Variants in RBM10 observed in about 807,000 individuals in gnomAD.
RBM10 encodes the protein RNA-binding protein 10.
A neutral mutation model predicts 84.9 loss-of-function variants in RBM10; 1 was observed. The ratio of observed to expected loss-of-function variants is 0.01; its 90% CI spans 0.00 to 0.06. The LOEUF (loss-of-function observed/expected upper bound fraction) is 0.06, where lower values mean the gene tolerates loss of function less well. Among genes scored for constraint, RBM10 ranks in the 10% least tolerant of loss-of-function variants. RBM10 has a pLI of 1.00. For missense variants in RBM10, 438 were observed against 839.0 expected (o/e 0.52, Z 5.90); for synonymous variants, 326 against 344.5 (o/e 0.95, Z 0.60).
intron 2 of RBM10, among the ~76,000 whole-genome samples, chrX:47,160,154 A>T (rs966654897): frequency 5.3e-5 from 6 of 112,342 alleles, no homozygotes; most frequent in Non-Finnish European, 1.1e-4. Flanking sequence ...AAAGAAAAAA[A>T]ATCCTAGAAG....
At position 47,170,233 on chromosome X, in the gene RBM10, C is replaced by A. The variant is rs183685579; in HGVS notation, c.201+735C>A. Among the ~76,000 whole-genome samples the A allele has an allele frequency of 3.5e-5, 4 of 113,630 alleles. No homozygotes were observed. In the Admixed American group the frequency reaches 3.7e-4, roughly 10 times the overall value. On this transcript the variant is annotated intron_variant, in intron 3 of 23. Coordinates refer to ENST00000377604, the MANE Select transcript of RBM10 (RefSeq NM_005676.5). ...CCCTCTGGAGGGTCCAGGGCAAAAACCCCTTTGGTGGACTGCCAGGCTTCT... is the reference window on the plus strand; with the variant it reads ...CCCTCTGGAGGGTCCAGGGCAAAAAACCCTTTGGTGGACTGCCAGGCTTCT...
rs2147185308 is a variant in RBM10 at position 47,181,326 on chromosome X, C to T, written c.1360C>T (p.Leu454Phe). The stretch of plus-strand genomic sequence containing the variant: ...CAACAGCCAGGGCACAGAGTCTTCC[C>T]TCTATGCCCATGGCTACCTCAAGGG... Reference protein sequence around the residue: ...YGNSQGTESSLYAHGYLKGTK... With the variant: ...YGNSQGTESSFYAHGYLKGTK... The change falls in exon 13 of 24, where the codon CTC (leucine) becomes TTC (phenylalanine). Residue 454 changes from leucine to phenylalanine, a missense_variant. By Grantham distance (22) the Leu-to-Phe change is conservative (BLOSUM62 0). Coordinates refer to ENST00000377604, the MANE Select transcript of RBM10 (RefSeq NM_005676.5). The T allele has an allele frequency of 8.4e-7, 1 of 1,196,534 alleles. No homozygotes were observed. Among genetic ancestry groups the T allele is most frequent in the Non-Finnish European group, 1.1e-6 (1 of 887,593 alleles).
At position 47,179,382 on chromosome X, in the gene RBM10, G is replaced by T; in HGVS notation, c.788G>T (p.Arg263Leu). 1 of 1,201,117 alleles carries T rather than the reference G, an allele frequency of 8.3e-7. No individual in the cohort carries two copies. ...LDQQTLPLGG[R>L]ELSQGLLPLP... ...CAGCAGACACTGCCACTGGGTGGCC[G>T]GGAGCTGAGCCAGGGCCTGCTTCCC... Residue 263 changes from arginine (R) to leucine (L), a missense_variant, in exon 9 of 24, where the codon CGG (arginine) becomes CTG (leucine). This residue lies in a region of RBM10 where 36 missense variants were observed against 45.3 expected (regional missense o/e 0.79). Coordinates refer to ENST00000377604, the MANE Select transcript of RBM10 (RefSeq NM_005676.5).
At chrX:47,179,534 G>A (rs2147170334) in intron 9 of RBM10, 39 bp downstream of exon 9, 1 of 1,166,623 alleles carries the variant, frequency 8.6e-7, no homozygotes, top group Non-Finnish European at 1.1e-6. Flanking sequence ...GCCCTAGGGT[G>A]TCGGGCTGGG....
Position 47,176,479 on chromosome X carries a change from G to A in RBM10, c.577-21G>A, listed in dbSNP as rs782607098. The A allele has an allele frequency of 1.6e-5, 19 of 1,208,948 alleles. No homozygotes were observed. The Admixed American group carries it at 4.2e-4, about 27-fold the overall frequency. On this transcript the variant is annotated intron_variant, in intron 6 of 23. Coordinates refer to ENST00000377604, the MANE Select transcript of RBM10 (RefSeq NM_005676.5). Reference sequence around the variant, plus strand: ...GGGGCACTGCTGCCTGGACCTCACTGTGCTCTGCTTTTTCCCGCAGCACTC... The same window carrying A: ...GGGGCACTGCTGCCTGGACCTCACTATGCTCTGCTTTTTCCCGCAGCACTC...
At chrX:47,155,146 CAAAAAAA>C (rs782034292) in intron 2 of RBM10, among the ~76,000 whole-genome samples, 1 of 27,357 alleles carries the variant, frequency 3.7e-5, no homozygotes, top group East Asian at 1.3e-3. Context: ...GACTCCCTCT[CAAAAAAA>C]AAAAAAAAAA....
At chrX:47,170,772 T>C (rs990541229) in intron 3 of RBM10, among the ~76,000 whole-genome samples, 4 of 110,050 alleles carry the variant, frequency 3.6e-5, no homozygotes, top group Non-Finnish European at 5.7e-5. Flanking sequence ...CCTTTGGGAG[T>C]TCCCCCCACA....
chrX:47,177,213 G>T (rs1016212500), intron 7 of RBM10, among the ~76,000 whole-genome samples: 25 of 112,647 alleles, frequency 2.2e-4, no homozygotes, highest in African/African-American at 7.7e-4. Context: ...GCCCATAGCA[G>T]GTAGCTCAAG....
chrX:47,164,477 A>G (rs911971940), intron 2 of RBM10, among the ~76,000 whole-genome samples: 1 of 106,635 alleles, frequency 9.4e-6, no homozygotes, highest in Non-Finnish European at 1.9e-5. Context: ...AGCTGAGATC[A>G]TGCCACTGCC....
intron 2 of RBM10, among the ~76,000 whole-genome samples, chrX:47,160,179 GC>G (rs1933561494): frequency 8.9e-6 from 1 of 111,983 alleles, no homozygotes; most frequent in African/African-American, 3.2e-5. Context: ...CCTAGGAAAT[GC>G]CCTCCTCGAT....
In RBM10 at chrX:47,179,867, C is replaced by A. The variant is rs1017633080; in HGVS notation, c.902-13C>A. 2 of 1,197,537 alleles carry A rather than the reference C, an allele frequency of 1.7e-6. No homozygotes were observed. Among genetic ancestry groups the A allele is most frequent in the African/African-American group, 3.5e-5 (2 of 56,643 alleles). ...GCCAGGGGTGTCCTCTAACATTGGGCCCCTTCCCACAGCCATCATTTTGCG... is the reference window on the plus strand; with the variant it reads ...GCCAGGGGTGTCCTCTAACATTGGGACCCTTCCCACAGCCATCATTTTGCG... On this transcript the variant is annotated splice_polypyrimidine_tract_variant and intron_variant, in intron 9 of 23. Transcript: ENST00000377604.
intron 2 of RBM10, among the ~76,000 whole-genome samples, chrX:47,155,543 T>C (rs1350930154): frequency 1.9e-5 from 2 of 107,860 alleles, no homozygotes; most frequent in African/African-American, 6.8e-5. Context: ...CCATCCTGGC[T>C]AACACAGTGA....
intron 9 of RBM10, 71 bp downstream of exon 9, chrX:47,179,566 G>A (rs2147170651): frequency 1.9e-6 from 2 of 1,064,975 alleles, no homozygotes; most frequent in South Asian, 3.9e-5. Context: ...CAGAGAAATG[G>A]CAGTGAGCAG....
intron 17 of RBM10, among the ~76,000 whole-genome samples, chrX:47,182,841 A>G (rs1474657402): frequency 1.8e-5 from 2 of 112,222 alleles, no homozygotes; most frequent in African/African-American, 3.2e-5. Flanking sequence ...TGCTGGGGGG[A>G]ACATGGAAAT....
intron 21 of RBM10, 95 bp downstream of exon 21, chrX:47,185,885 C>T (rs781902270): frequency 8.5e-7 from 1 of 1,172,664 alleles, no homozygotes; most frequent in East Asian, 3.1e-5. Context: ...ACGTGTTAAC[C>T]CCGTGAGCCT....
chrX:47,181,047 T>C (rs1421697810), intron 12 of RBM10, among the ~76,000 whole-genome samples, 168 bp from the exon 13 acceptor site: 1 of 111,079 alleles, frequency 9.0e-6, no homozygotes, highest in Non-Finnish European at 1.9e-5. Flanking sequence ...GCCTATTTGT[T>C]CTCTTGTGGC....
intron 2 of RBM10, among the ~76,000 whole-genome samples, chrX:47,154,739 C>G (rs1389559820): frequency 1.8e-5 from 2 of 110,407 alleles, no homozygotes; most frequent in African/African-American, 6.6e-5. Context: ...GTGTGAGCCA[C>G]CATGATGGCC....
chrX:47,170,481 G>A (rs1556772117), intron 3 of RBM10, among the ~76,000 whole-genome samples: 1 of 113,207 alleles, frequency 8.8e-6, no homozygotes, highest in East Asian at 2.8e-4. Flanking sequence ...GACTGGCCAA[G>A]GCTGAGGATC....
At position 47,169,436 on chromosome X, in the gene RBM10, G is replaced by A. The variant is rs782587193; in HGVS notation, c.139G>A (p.Glu47Lys). Residue 47 changes from glutamate (E) to lysine (K), a missense_variant, in exon 3 of 24, where the codon GAG becomes AAG. Physicochemically the swap from Glu to Lys is moderately conservative, Grantham distance 56. Transcript: ENST00000377604. ...CATGGACTACCGTTCATATCCTCGC[G>A]AGTATGGCAGCCAGGAGGGCAAGCA... is the stretch of plus-strand genomic sequence containing the variant. ...RDMDYRSYPR[E>K]YGSQEGKHDY... is the part of the protein sequence containing the mutation. The A allele has an allele frequency of 8.3e-7, 1 of 1,211,758 alleles. No homozygotes were observed. Among genetic ancestry groups the A allele is most frequent in the Non-Finnish European group, 1.1e-6 (1 of 895,371 alleles).
Sources: allele counts gnomAD v4.1 joint callset (sites outside exome capture counted in the v4.1 genomes callset), GRCh38; gene constraint gnomAD v4.1.1; regional missense constraint gnomAD v4.1.1; transcripts MANE v1.5; gene names NCBI Gene and HGNC (gene_info 2026-07-23, HGNC 2026-07-21).